ILRUN: variants seen among roughly 807,000 people sequenced by gnomAD.
ILRUN encodes the protein protein ILRUN.
ILRUN carries 3 observed loss-of-function variants against 33.8 expected under a neutral mutation model. That is an observed-to-expected ratio of 0.09 (90% CI 0.04 to 0.23). ILRUN has a LOEUF of 0.23. ILRUN is among the 10% of genes least tolerant of loss of function. The pLI is 1.00. For missense variants in ILRUN, 210 were observed against 375.1 expected (o/e 0.56, Z 3.64); for synonymous variants, 124 against 138.9 (o/e 0.89, Z 0.75).
At chr6:34,651,463 A>C (rs1203035764) in intron 2 of ILRUN, among the ~76,000 whole-genome samples, 1 of 152,040 alleles carries the variant, frequency 6.6e-6, no homozygotes, top group Non-Finnish European at 1.5e-5. Flanking sequence ...CAACCTCCCA[A>C]AGCTCCCCAT....
At chr6:34,597,096 C>T (rs1761416495) in intron 4 of ILRUN, among the ~76,000 whole-genome samples, 1 of 152,164 alleles carries the variant, frequency 6.6e-6, no homozygotes, top group African/African-American at 2.4e-5. Flanking sequence ...TTCACTCACC[C>T]CCTACTCCCC....
intron 1 of ILRUN, among the ~76,000 whole-genome samples, chr6:34,660,207 G>A (rs978693794): frequency 4.6e-5 from 7 of 151,942 alleles, no homozygotes; most frequent in African/African-American, 1.5e-4. Context: ...GGGGGCTGAA[G>A]TGGGAGGATC....
chr6:34,615,012 C>A (rs1437722135), intron 3 of ILRUN, among the ~76,000 whole-genome samples: 1 of 151,988 alleles, frequency 6.6e-6, no homozygotes, highest in Non-Finnish European at 1.5e-5. Flanking sequence ...GGGCACATGA[C>A]AACTAAGTGT....
chr6:34,681,052 A>T (rs916712893), intron 1 of ILRUN, among the ~76,000 whole-genome samples: 47 of 148,756 alleles, frequency 3.2e-4, no homozygotes, highest in African/African-American at 1.1e-3. Flanking sequence ...CAAAGGGTTT[A>T]AAAAAAAAAG....
chr6:34,642,981 GAA>G (rs1157332978), intron 3 of ILRUN, among the ~76,000 whole-genome samples: 2 of 135,298 alleles, frequency 1.5e-5, no homozygotes, highest in African/African-American at 5.4e-5. Context: ...TGACCAAGGA[GAA>G]AAAAAAAAAG....
At chr6:34,605,312 C>CAAAA (rs1761603273) in intron 4 of ILRUN, among the ~76,000 whole-genome samples, 1 of 34,300 alleles carries the variant, frequency 2.9e-5, no homozygotes, top group Non-Finnish European at 5.6e-5. Flanking sequence ...GTCTCCAAAA[C>CAAAA]AAAAACAAAA....
At chr6:34,603,044 G>A (rs146603168) in intron 4 of ILRUN, among the ~76,000 whole-genome samples, 7 of 152,312 alleles carry the variant, frequency 4.6e-5, no homozygotes, top group Non-Finnish European at 1.0e-4. Context: ...CTGTAACTAT[G>A]GAGGCAGCAG....
intron 3 of ILRUN, among the ~76,000 whole-genome samples, chr6:34,622,192 G>A (rs111241804): frequency 6.6e-6 from 1 of 152,082 alleles, no homozygotes; most frequent in African/African-American, 2.4e-5. Flanking sequence ...ATTTGGCAAT[G>A]GTTTCTTGGA....
chr6:34,692,162 C>T (rs1763662155), intron 1 of ILRUN, among the ~76,000 whole-genome samples: 1 of 152,068 alleles, frequency 6.6e-6, no homozygotes, highest in Non-Finnish European at 1.5e-5. Flanking sequence ...GGAGGTCTCG[C>T]TATCTTGCCT....
Position 34,606,650 on chromosome 6 carries a change from GGTCAGGAGCAGGAGCCCATGT to G in ILRUN, c.745_765del (p.Thr249_Asp255del), listed in dbSNP as rs759751988. ...AGTCTATTCTGGTCTTGCTCAGTTT[GGTCAGGAGCAGGAGCCCATGT>G]GTCAGGAGCAGGAGCCCATGTGTTT... is the stretch of plus-strand genomic sequence containing the variant. On this transcript the variant is annotated inframe_deletion, in exon 4 of 5. Transcript: ENST00000374023. 785 of 1,614,002 alleles carry G rather than the reference GGTCAGGAGCAGGAGCCCATGT, an allele frequency of 4.9e-4. No homozygotes were observed. Among genetic ancestry groups the G allele is most frequent in the Non-Finnish European group, 6.0e-4 (711 of 1,180,032 alleles).
intron 3 of ILRUN, among the ~76,000 whole-genome samples, chr6:34,619,544 G>C (rs571974447): frequency 6.6e-5 from 10 of 152,176 alleles, no homozygotes; most frequent in Admixed American, 3.9e-4. Flanking sequence ...TTGTAGAAAT[G>C]GGGTCTCCCT....
At chr6:34,666,688 T>C (rs1036693465) in intron 1 of ILRUN, among the ~76,000 whole-genome samples, 2 of 152,240 alleles carry the variant, frequency 1.3e-5, no homozygotes, top group African/African-American at 4.8e-5. Flanking sequence ...CCTTTTCTTT[T>C]ACAAACTAAT....
chr6:34,599,769 T>C (rs1394673606), intron 4 of ILRUN, among the ~76,000 whole-genome samples: 1 of 152,226 alleles, frequency 6.6e-6, no homozygotes, highest in East Asian at 1.9e-4. Context: ...GACACCTCCA[T>C]TTAGATGTTT....
chr6:34,665,462 A>G (rs934173598), intron 1 of ILRUN, among the ~76,000 whole-genome samples: 2 of 151,954 alleles, frequency 1.3e-5, no homozygotes, highest in African/African-American at 4.8e-5. Flanking sequence ...ACAGAGAGAG[A>G]AGGAGAGATA....
Position 34,696,625 on chromosome 6 carries a change from T to TC in ILRUN, c.-23dup. ...CCATGGCGGGGACCGGACACCCGCT[T>TC]CCCCGCCTCTTCACAACCAAGCCGC... is the stretch of plus-strand genomic sequence containing the variant. On this transcript the variant is annotated 5_prime_UTR_variant, in exon 1 of 5. Transcript: ENST00000374023. 6.4e-7 allele frequency: 1 copy of TC among 1,560,072 alleles called. No homozygotes were observed. Among genetic ancestry groups the TC allele is most frequent in the Non-Finnish European group, 8.6e-7 (1 of 1,157,734 alleles).
chr6:34,653,759 G>GC (rs1332729415), intron 2 of ILRUN, among the ~76,000 whole-genome samples: 2 of 151,878 alleles, frequency 1.3e-5, no homozygotes, highest in African/African-American at 4.8e-5. Context: ...GATAGCTTGA[G>GC]CCCAAGAGTT....
At chr6:34,633,123 G>A (rs1003633013) in intron 3 of ILRUN, among the ~76,000 whole-genome samples, 2 of 152,172 alleles carry the variant, frequency 1.3e-5, no homozygotes, top group East Asian at 1.9e-4. Flanking sequence ...TCAAAAGGAA[G>A]TTAAAGTGGC....
At chr6:34,629,474 T>C (rs1321403155) in intron 3 of ILRUN, among the ~76,000 whole-genome samples, 1 of 152,176 alleles carries the variant, frequency 6.6e-6, no homozygotes, top group East Asian at 1.9e-4. Flanking sequence ...AGCCTCAATA[T>C]TTAAAATATT....
Position 34,606,536 on chromosome 6 carries a change from C to G in ILRUN, c.861+19G>C. On this transcript the variant is annotated intron_variant, in intron 4 of 4. Coordinates refer to ENST00000374023, the MANE Select transcript of ILRUN (RefSeq NM_024294.4). ...CCAAGGCCCACCACCTACCCCTTCT[C>G]TTCTCCAAGGGCACCTACCTTACTG... is the stretch of plus-strand genomic sequence containing the variant. 6.2e-7 allele frequency: 1 copy of G among 1,601,560 alleles called. No individual in the cohort carries two copies. Among genetic ancestry groups the G allele is most frequent in the Non-Finnish European group, 8.5e-7 (1 of 1,171,374 alleles).
Sources: allele counts gnomAD v4.1 joint callset (sites outside exome capture counted in the v4.1 genomes callset), GRCh38; gene constraint gnomAD v4.1.1; transcripts MANE v1.5; gene names NCBI Gene and HGNC (gene_info 2026-07-23, HGNC 2026-07-21).